The following CFAP58 variants were observed in gnomAD, a reference collection of about 807,000 sequenced individuals.
CFAP58 encodes cilia and flagella associated protein 58.
Under a neutral mutation model 119.5 loss-of-function variants are expected in CFAP58, and 88 were observed. The observed-to-expected ratio is 0.74, with a 90% CI of 0.62 to 0.88. CFAP58 has a LOEUF of 0.88. Among genes scored for constraint, CFAP58 ranks in the 40% least tolerant of loss-of-function variants. The pLI is 0.00. For missense variants in CFAP58, 990 were observed against 1,021.2 expected (o/e 0.97, Z 0.42); for synonymous variants, 365 against 366.3 (o/e 1.00, Z 0.04).
chr10:104,342,799 C>T, the CFAP58 span, among the ~76,000 whole-genome samples: 21 of 144,102 alleles, frequency 1.5e-4, no homozygotes, highest in Admixed American at 1.1e-3. Context: ...GACCCGAGAT[C>T]GTGCCACTGC....
chr10:104,424,821 G>C (rs1263379959), intron 15 of CFAP58, among the ~76,000 whole-genome samples: 2 of 152,210 alleles, frequency 1.3e-5, no homozygotes, highest in South Asian at 4.1e-4. Flanking sequence ...GAGCAGGGGA[G>C]ATGAGTAAGA....
At chr10:104,353,654 C>A (rs1350732613), upstream of CFAP58, 3 of 522,332 alleles carry the variant, frequency 5.7e-6, no homozygotes, top group Non-Finnish European at 1.0e-5. Flanking sequence ...GATATATTTG[C>A]ATATTTCTCT....
At position 104,450,217 on chromosome 10, in the gene CFAP58, CA is replaced by C. The variant is rs760642198; in HGVS notation, c.2510+16del. On this transcript the variant is annotated intron_variant, in intron 17 of 17. Transcript: ENST00000369704. ...AACAACTTCAAAAGTAAGAATTAGT[CA>C]AACGTCCTAATTTTGTTGTGCCTAT... The C allele has an allele frequency of 6.2e-7, 1 of 1,610,770 alleles. No individual in the cohort carries two copies. The highest frequency in any genetic ancestry group is 1.7e-5 in the Admixed American group (1 of 59,394).
intron 17 of CFAP58, among the ~76,000 whole-genome samples, chr10:104,452,486 A>T (rs1413057312): frequency 1.3e-5 from 2 of 152,160 alleles, no homozygotes; most frequent in Non-Finnish European, 2.9e-5. Context: ...GGTTTGGCCT[A>T]GTCTTCTTTG....
intron 8 of CFAP58, among the ~76,000 whole-genome samples, chr10:104,378,768 T>C (rs1432860783): frequency 6.6e-6 from 1 of 152,204 alleles, no homozygotes; most frequent in African/African-American, 2.4e-5. Context: ...GGTCATTTGA[T>C]CCATTCAGTT....
Position 104,400,718 on chromosome 10 carries a change from T to C in CFAP58, c.1854T>C (p.Val618=). Residue 618 remains valine, a synonymous_variant, in exon 13 of 18, where the codon GTT becomes GTC. Transcript: ENST00000369704. ...GAGATATCCTGGGGTCTCAGCTTGT[T>C]CGGCGCAATGATGAGTTAGCTTTGC... The part of the protein sequence containing the change: ...SERDILGSQL[V]RRNDELALLY... 1.2e-6 allele frequency: 2 copies of C among 1,614,108 alleles called. No individual in the cohort carries two copies. The highest frequency in any genetic ancestry group is 1.7e-6 in the Non-Finnish European group (2 of 1,180,016).
At chr10:104,371,226 A>T (rs527664797) in intron 7 of CFAP58, among the ~76,000 whole-genome samples, 172 bp downstream of exon 7, 1 of 152,290 alleles carries the variant, frequency 6.6e-6, no homozygotes, top group South Asian at 2.1e-4. Flanking sequence ...CATCATTTTG[A>T]ACACCTTAAA....
At chr10:104,423,773 A>G (rs768269551) in intron 15 of CFAP58, among the ~76,000 whole-genome samples, 27 of 152,228 alleles carry the variant, frequency 1.8e-4, no homozygotes, top group Non-Finnish European at 3.7e-4. Flanking sequence ...TTATTTCAAG[A>G]TGAGGATTTA....
At chr10:104,341,611 A>T in the CFAP58 span, among the ~76,000 whole-genome samples, 2 of 151,810 alleles carry the variant, frequency 1.3e-5, no homozygotes, top group African/African-American at 4.8e-5. Flanking sequence ...AAATCTAATA[A>T]AAATAGCTCA....
At chr10:104,382,010 C>A in intron 9 of CFAP58, 1 of 692,206 alleles carries the variant, frequency 1.4e-6, no homozygotes, top group Non-Finnish European at 2.7e-6. Context: ...TCAGTTTACA[C>A]TGCACAAATA....
intron 16 of CFAP58, among the ~76,000 whole-genome samples, chr10:104,448,942 A>G (rs1453428483): frequency 6.6e-6 from 1 of 152,272 alleles, no homozygotes; most frequent in Non-Finnish European, 1.5e-5. Flanking sequence ...GTTGCCTTCA[A>G]AGGCTCACAG....
Position 104,371,047 on chromosome 10 carries a change from A to C in CFAP58, c.1083A>C (p.Leu361Phe). 2 of 1,604,580 alleles carry C rather than the reference A, an allele frequency of 1.2e-6. No individual in the cohort carries two copies. The highest frequency in any genetic ancestry group is 1.7e-6 in the Non-Finnish European group (2 of 1,177,510). The change falls in exon 7 of 18, where the codon TTA becomes TTC. Residue 361 changes from leucine (L) to phenylalanine (F), a missense_variant. Leu to Phe is a conservative substitution (Grantham distance 22). Coordinates refer to ENST00000369704, the MANE Select transcript of CFAP58 (RefSeq NM_001008723.2). ...CCCTAAAAAATCAGATTGTGGGATT[A>C]GAGAGAGGTAAACCATTTTGCGCTT... Reference protein sequence around the residue: ...KETLKNQIVGLEREVEASKKQ... With the variant: ...KETLKNQIVGFEREVEASKKQ...
intron 7 of CFAP58, among the ~76,000 whole-genome samples, 169 bp from the exon 8 acceptor site, chr10:104,376,642 G>A (rs2011672396): frequency 6.6e-6 from 1 of 152,050 alleles, no homozygotes; most frequent in Non-Finnish European, 1.5e-5. Context: ...TTTAGTGAGA[G>A]AGGGAGACCT....
chr10:104,398,218 T>C (rs913369564), intron 11 of CFAP58, among the ~76,000 whole-genome samples: 1 of 152,346 alleles, frequency 6.6e-6, no homozygotes, highest in African/African-American at 2.4e-5. Flanking sequence ...TTTTCACACT[T>C]GTTGGTTATC....
intron 9 of CFAP58, among the ~76,000 whole-genome samples, chr10:104,386,833 G>A (rs1477252867): frequency 2.6e-5 from 4 of 152,136 alleles, no homozygotes; most frequent in African/African-American, 9.7e-5. Context: ...GTGACTATGG[G>A]TCTGCCCTTC....
In CFAP58 at chr10:104,361,925, T is replaced by C. The variant is rs1376754566; in HGVS notation, c.292-98T>C. 6 of 1,167,980 alleles carry C rather than the reference T, an allele frequency of 5.1e-6. No homozygotes were observed. The African/African-American group carries it at 9.2e-5, about 18-fold the overall frequency. The allele number at this position is 1,167,980 out of a possible 1,614,324, so 72.4% of individuals were successfully genotyped here. ...ACAATTTAGTCAATGCACATTTATATAACTACACTGTGGTCATGGTATTAT... is the reference window on the plus strand; with the variant it reads ...ACAATTTAGTCAATGCACATTTATACAACTACACTGTGGTCATGGTATTAT... On this transcript the variant is annotated intron_variant, in intron 2 of 17. Coordinates refer to ENST00000369704, the MANE Select transcript of CFAP58 (RefSeq NM_001008723.2).
chr10:104,450,046 A>C, intron 16 of CFAP58, 25 bp from the exon 17 acceptor site: 1 of 1,582,150 alleles, frequency 6.3e-7, no homozygotes, highest in Non-Finnish European at 8.6e-7. Flanking sequence ...ATCTTTTGTT[A>C]ATGCTGCTTT....
chr10:104,388,398 ATAT>A (rs1286672087), intron 9 of CFAP58, among the ~76,000 whole-genome samples: 2 of 152,202 alleles, frequency 1.3e-5, no homozygotes, highest in Non-Finnish European at 2.9e-5. Flanking sequence ...TGTGAGATAG[ATAT>A]TATTATATCC....
At chr10:104,386,340 G>A (rs574423386) in intron 9 of CFAP58, among the ~76,000 whole-genome samples, 1 of 148,826 alleles carries the variant, frequency 6.7e-6, no homozygotes, top group East Asian at 2.0e-4. Context: ...TTGTGCCATT[G>A]CACTCCAGCC....
Sources: allele counts gnomAD v4.1 joint callset (sites outside exome capture counted in the v4.1 genomes callset), GRCh38; gene constraint gnomAD v4.1.1; transcripts MANE v1.5; gene names NCBI Gene and HGNC (gene_info 2026-07-23, HGNC 2026-07-21).